Variants in TMEFF2 observed in about 807,000 individuals in gnomAD.
The protein encoded by TMEFF2 is tomoregulin-2.
Under a neutral mutation model 53.8 loss-of-function variants are expected in TMEFF2, and 28 were observed. The ratio of observed to expected loss-of-function variants is 0.52; its 90% CI spans 0.39 to 0.71. TMEFF2 has a LOEUF of 0.71. Among genes scored for constraint, TMEFF2 ranks in the 30% least tolerant of loss-of-function variants. The probability of loss-of-function intolerance (pLI) is 0.00; values close to 1 mark genes in which losing one functional copy is unlikely to be tolerated. For missense variants in TMEFF2, 353 were observed against 455.2 expected (o/e 0.78, Z 2.04); for synonymous variants, 162 against 166.3 (o/e 0.97, Z 0.20).
chr2:192,077,783 C>G (rs577125620), intron 4 of TMEFF2, among the ~76,000 whole-genome samples: 1 of 151,724 alleles, frequency 6.6e-6, no homozygotes, highest in South Asian at 2.1e-4. Context: ...TGTACACATA[C>G]AATTTTATAT....
At chr2:192,182,752 A>G (rs1455824664) in intron 3 of TMEFF2, among the ~76,000 whole-genome samples, 1 of 151,904 alleles carries the variant, frequency 6.6e-6, no homozygotes, top group Non-Finnish European at 1.5e-5. Context: ...GAAAAAGCAA[A>G]TCCTTTCCTC....
chr2:192,056,785 A>G (rs1444800637), intron 5 of TMEFF2, among the ~76,000 whole-genome samples: 2 of 152,124 alleles, frequency 1.3e-5, no homozygotes, highest in Non-Finnish European at 2.9e-5. Flanking sequence ...TGAAGCCTTC[A>G]TGAATGGGAT....
At chr2:192,136,159 C>T (rs1690003337) in intron 4 of TMEFF2, among the ~76,000 whole-genome samples, 1 of 152,144 alleles carries the variant, frequency 6.6e-6, no homozygotes, top group Non-Finnish European at 1.5e-5. Flanking sequence ...ACTAATTAAA[C>T]TCAGTATTTC....
At chr2:191,997,428 ATT>A (rs1397837268) in intron 7 of TMEFF2, among the ~76,000 whole-genome samples, 3 of 151,816 alleles carry the variant, frequency 2.0e-5, no homozygotes, top group African/African-American at 7.2e-5. Flanking sequence ...GGTAGTATAT[ATT>A]TTAAAAGACA....
intron 4 of TMEFF2, among the ~76,000 whole-genome samples, chr2:192,104,914 ATTTC>A (rs1011674496): frequency 3.3e-5 from 5 of 151,860 alleles, no homozygotes; most frequent in Admixed American, 6.6e-5. Context: ...TACCTGTCTT[ATTTC>A]TTTAAGTTAG....
intron 4 of TMEFF2, among the ~76,000 whole-genome samples, chr2:192,067,240 A>G (rs1045786176): frequency 2.1e-4 from 32 of 151,978 alleles, no homozygotes; most frequent in Admixed American, 1.6e-3. Context: ...TTAGATGGGA[A>G]GGAAAGGGGA....
rs768480968 is a variant in TMEFF2 at position 192,194,548 on chromosome 2, C to T, written c.-24G>A. On this transcript the variant is annotated 5_prime_UTR_variant, in exon 1 of 10. Transcript: ENST00000272771. This position sits in a 1 kb window ranked among gnomAD's most constrained non-coding sequence, Gnocchi z 4.2. ...ATGACTAGTTCGTGCAACTCTGCAGCAGCAAACGGCTTCCGAGGAACACAG... is the reference window on the plus strand; with the variant it reads ...ATGACTAGTTCGTGCAACTCTGCAGTAGCAAACGGCTTCCGAGGAACACAG... The T allele has an allele frequency of 6.2e-7, 1 of 1,603,436 alleles. No individual in the cohort carries two copies. Among genetic ancestry groups the T allele is most frequent in the Non-Finnish European group, 8.5e-7 (1 of 1,173,350 alleles).
At chr2:192,110,371 T>C (rs531195913) in intron 4 of TMEFF2, among the ~76,000 whole-genome samples, 1 of 152,068 alleles carries the variant, frequency 6.6e-6, no homozygotes, top group South Asian at 2.1e-4. Context: ...AGTTAGAGGA[T>C]ATAGACAATT....
chr2:191,955,121 C>G (rs1011410065), intron 8 of TMEFF2, among the ~76,000 whole-genome samples: 1 of 86,016 alleles, frequency 1.2e-5, no homozygotes, highest in Non-Finnish European at 2.0e-5. Flanking sequence ...GAAAGGAAGA[C>G]AGCTCTAGGT....
intron 4 of TMEFF2, among the ~76,000 whole-genome samples, chr2:192,131,789 C>T (rs111552533): frequency 0.36 from 55,010 of 151,928 alleles, 11,781 homozygotes; most frequent in East Asian, 0.72. Flanking sequence ...AAAATCAAAG[C>T]GTCTTATTTT....
At chr2:192,193,757 TAGATAGAG>T (rs1367878724) in intron 1 of TMEFF2, among the ~76,000 whole-genome samples, 1,295 of 26,634 alleles carry the variant, frequency 0.049, 51 homozygotes, top group African/African-American at 0.12. Context: ...GAGAGATAGA[TAGATAGAG>T]AGAGAGAGAG....
intron 4 of TMEFF2, among the ~76,000 whole-genome samples, chr2:192,130,756 AT>A (rs1238280941): frequency 6.6e-6 from 1 of 152,000 alleles, no homozygotes; most frequent in Non-Finnish European, 1.5e-5. Context: ...CCCAGGTGAA[AT>A]AAACAGCCAT....
At chr2:192,056,007 A>G (rs960365458) in intron 5 of TMEFF2, among the ~76,000 whole-genome samples, 4 of 152,142 alleles carry the variant, frequency 2.6e-5, no homozygotes, top group African/African-American at 9.7e-5. Flanking sequence ...ACTTGTAAGT[A>G]CGTAGTTTAC....
chr2:191,953,637 TATATCCC>T (rs755961850), intron 9 of TMEFF2, 35 bp downstream of exon 9: 2 of 1,600,750 alleles, frequency 1.2e-6, no homozygotes, highest in Non-Finnish European at 1.7e-6. Flanking sequence ...AGAGTAACAA[TATATCCC>T]TTTATTTGGG....
chr2:192,001,793 C>T lies in TMEFF2; in HGVS notation c.537-2585G>A, dbSNP rs548103727. ...GCCATGATTGTGAGGCCTCCCTACCCACGTGGAACTGTGAGTCCATTAAAC... is the reference window on the plus strand; with the variant it reads ...GCCATGATTGTGAGGCCTCCCTACCTACGTGGAACTGTGAGTCCATTAAAC... On this transcript the variant is annotated intron_variant, in intron 5 of 9. Coordinates refer to ENST00000272771, the MANE Select transcript of TMEFF2 (RefSeq NM_016192.4). Among the ~76,000 whole-genome samples the T allele has an allele frequency of 2.0e-5, 3 of 152,266 alleles. No individual in the cohort carries two copies. The South Asian group carries it at 6.2e-4, about 32-fold the overall frequency.
At chr2:192,019,851 G>A (rs1686823505) in intron 5 of TMEFF2, among the ~76,000 whole-genome samples, 1 of 152,010 alleles carries the variant, frequency 6.6e-6, no homozygotes, top group African/African-American at 2.4e-5. Flanking sequence ...GGTTTTGGAT[G>A]ATGAGAATTA....
chr2:192,059,974 A>G (rs1688004473), intron 4 of TMEFF2, among the ~76,000 whole-genome samples: 1 of 152,138 alleles, frequency 6.6e-6, no homozygotes, highest in South Asian at 2.1e-4. Context: ...ATCGGTGCAC[A>G]ACTTTCATTT....
At chr2:192,182,459 C>G (rs890037500) in intron 3 of TMEFF2, among the ~76,000 whole-genome samples, 9 of 151,908 alleles carry the variant, frequency 5.9e-5, no homozygotes, top group Non-Finnish European at 1.2e-4. Flanking sequence ...TGTGAATGAG[C>G]TAAAGATGGA....
chr2:192,006,997 G>A (rs1189417493), intron 5 of TMEFF2, among the ~76,000 whole-genome samples: 1 of 152,178 alleles, frequency 6.6e-6, no homozygotes, highest in East Asian at 1.9e-4. Flanking sequence ...AATATCTGGA[G>A]GGGCATTCAG....
Sources: allele counts gnomAD v4.1 joint callset (sites outside exome capture counted in the v4.1 genomes callset), GRCh38; gene constraint gnomAD v4.1.1; non-coding constraint Gnocchi (gnomAD v3.1); transcripts MANE v1.5; gene names NCBI Gene and HGNC (gene_info 2026-07-23, HGNC 2026-07-21).